The following KNDC1 variants were observed in gnomAD, a reference collection of about 807,000 sequenced individuals.
KNDC1 encodes kinase non-catalytic C-lobe domain-containing protein 1.
A neutral mutation model predicts 172.8 loss-of-function variants in KNDC1; 106 were observed. The ratio of observed to expected loss-of-function variants is 0.61; its 90% CI spans 0.52 to 0.72. KNDC1 has a LOEUF of 0.72. Ranked by LOEUF, KNDC1 falls within the 30% of genes least tolerant of loss-of-function variation. The pLI is 0.00. For missense variants in KNDC1, 2,325 were observed against 2,394.5 expected, an observed-to-expected ratio of 0.97 and a Z score of 0.61; for synonymous variants, 1,083 against 1,062.2, an observed-to-expected ratio of 1.02 and a Z score of -0.38.
intron 3 of KNDC1, among the ~76,000 whole-genome samples, chr10:133,182,795 C>G (rs1853754881): frequency 6.6e-6 from 1 of 152,258 alleles, no homozygotes; most frequent in Admixed American, 6.5e-5. Context: ...CCATGGCCAG[C>G]ACAGATCTAG....
At chr10:133,223,999 G>C (rs561648863) in intron 29 of KNDC1, among the ~76,000 whole-genome samples, 1 of 145,552 alleles carries the variant, frequency 6.9e-6, no homozygotes, top group South Asian at 2.2e-4. Context: ...GTGTGTGAGA[G>C]AGCCCATCCA....
intron 17 of KNDC1, chr10:133,202,242 C>A (rs886203838): frequency 2.4e-5 from 14 of 595,588 alleles, no homozygotes; most frequent in Non-Finnish European, 4.4e-5. Context: ...GTGGGGCAGG[C>A]ACAGCCTCCG....
At chr10:133,201,408 G>A (rs1433565680) in intron 16 of KNDC1, 93 bp from the exon 17 acceptor site, 5 of 1,347,528 alleles carry the variant, frequency 3.7e-6, no homozygotes, top group Non-Finnish European at 4.1e-6. Flanking sequence ...AGGGCGTCGG[G>A]TGTGCAAGCA....
chr10:133,186,348 T>C lies in KNDC1; in HGVS notation c.1000T>C (p.Ser334Pro). The change falls in exon 6 of 30, where the codon TCG becomes CCG. Residue 334 changes from serine (S) to proline (P), a missense_variant. Transcript: ENST00000304613. The stretch of plus-strand genomic sequence containing the variant: ...CCGCGGGAAAAGCCAGCTGCCCATA[T>C]CGGAATTATTCTCTCCGGACCCCAG... Reference protein sequence around the residue: ...LTRGKSQLPISELFSPDPRKA... With the variant: ...LTRGKSQLPIPELFSPDPRKA... 1 of 1,612,640 alleles carries C rather than the reference T, an allele frequency of 6.2e-7. No individual in the cohort carries two copies. Among genetic ancestry groups the C allele is most frequent in the Non-Finnish European group, 8.5e-7 (1 of 1,179,932 alleles).
intron 9 of KNDC1, among the ~76,000 whole-genome samples, chr10:133,190,403 C>A (rs1345090681): frequency 6.6e-6 from 1 of 151,992 alleles, no homozygotes; most frequent in African/African-American, 2.4e-5. Context: ...AGTAAGCACC[C>A]TGCACTAAGC....
Position 133,189,732 on chromosome 10 carries a change from C to G in KNDC1, c.1514-20C>G, listed in dbSNP as rs1854026623. On this transcript the variant is annotated intron_variant, in intron 8 of 29. Coordinates refer to ENST00000304613, the MANE Select transcript of KNDC1 (RefSeq NM_152643.8). ...CGGCTCGCCAGGGGTGAGGAAAGCT[C>G]AGTCGGGTTTCTCTCTTAGGTTCCT... 1 of 1,613,914 alleles carries G rather than the reference C, an allele frequency of 6.2e-7. No individual in the cohort carries two copies. Among genetic ancestry groups the G allele is most frequent in the African/African-American group, 1.3e-5 (1 of 74,918 alleles).
intron 3 of KNDC1, among the ~76,000 whole-genome samples, chr10:133,177,697 G>A (rs1346034758): frequency 2.0e-5 from 3 of 151,510 alleles, no homozygotes; most frequent in South Asian, 4.1e-4. Flanking sequence ...TGTGTGTAAT[G>A]TGTGTGTCCA....
chr10:133,199,560 A>C lies in KNDC1; in HGVS notation c.2861A>C (p.Asn954Thr). The change falls in exon 15 of 30, where the codon AAC (asparagine) becomes ACC (threonine). Residue 954 changes from asparagine to threonine, a missense_variant. Transcript: ENST00000304613. ...DLYWDEKLLQ[N>T]LFKVVNGQAS... ...TACTGGGATGAGAAGTTGCTGCAGA[A>C]CCTCTTTAAGGTGGTCAACGGGCAG... 1.9e-6 allele frequency: 3 copies of C among 1,613,602 alleles called. No homozygotes were observed. The highest frequency in any genetic ancestry group is 2.5e-6 in the Non-Finnish European group (3 of 1,179,948).
intron 6 of KNDC1, among the ~76,000 whole-genome samples, chr10:133,187,386 T>A (rs1048306038): frequency 6.6e-6 from 1 of 152,242 alleles, no homozygotes; most frequent in African/African-American, 2.4e-5. Flanking sequence ...CATTTTGCCC[T>A]CCTTGGCTCC....
chr10:133,187,237 C>T lies in KNDC1; in HGVS notation c.1326+563C>T, dbSNP rs1320328959. 3.9e-5 allele frequency among the ~76,000 whole-genome samples: 6 copies of T among 152,366 alleles called. No individual in the cohort carries two copies. In the East Asian group the frequency reaches 1.2e-3, roughly 29 times the overall value. On this transcript the variant is annotated intron_variant, in intron 6 of 29. Coordinates refer to ENST00000304613, the MANE Select transcript of KNDC1 (RefSeq NM_152643.8). ...ACGTGGCCTCCACACAGGATGGGGC[C>T]TCCCCAGCCCAGTGCTGCCCCTGGT...
intron 5 of KNDC1, 131 bp downstream of exon 5, chr10:133,184,120 A>C: frequency 2.0e-6 from 1 of 504,828 alleles, no homozygotes; most frequent in South Asian, 3.2e-5. Context: ...CTGCACACAC[A>C]CCCATGCACA....
In KNDC1 at chr10:133,198,353, C is replaced by T. The variant is rs1854253467; in HGVS notation, c.1923C>T (p.Asn641=). ...GCTCCCCAGGCTTCCTGCCGGTGAA[C>T]AGCGACACCGGGCTTGTGGCTGTGC... The part of the protein sequence containing the change: ...PEPSPGFLPV[N]SDTGLVAVPG... Residue 641 remains asparagine (N), a synonymous_variant, in exon 13 of 30, where the codon AAC becomes AAT. Transcript: ENST00000304613. 1 of 1,586,862 alleles carries T rather than the reference C, an allele frequency of 6.3e-7. No homozygotes were observed. The highest frequency in any genetic ancestry group is 8.6e-7 in the Non-Finnish European group (1 of 1,167,666).
In KNDC1 at chr10:133,212,109, ACT is replaced by A. The variant is rs535524332; in HGVS notation, c.4236+253_4236+254del. ...AATCCACACGTGCACATGCGTGCAC[ACT>A]CAATCCACACGTGCACACGCACGTG... is the stretch of plus-strand genomic sequence containing the variant. On this transcript the variant is annotated intron_variant, in intron 23 of 29. Coordinates refer to ENST00000304613, the MANE Select transcript of KNDC1 (RefSeq NM_152643.8). Among the ~76,000 whole-genome samples the A allele has an allele frequency of 4.1e-3, 617 of 150,652 alleles. 5 individuals carry two copies. The highest frequency in any genetic ancestry group is 0.014 in the African/African-American group (583 of 40,816).
At chr10:133,169,027 C>CTACCCCGGG (rs1853283783) in intron 3 of KNDC1, among the ~76,000 whole-genome samples, 1 of 152,214 alleles carries the variant, frequency 6.6e-6, no homozygotes, top group Non-Finnish European at 1.5e-5. Flanking sequence ...AGGGAGTGGC[C>CTACCCCGGG]CATTGGTGGT....
At chr10:133,177,675 A>C (rs1261468190) in intron 3 of KNDC1, among the ~76,000 whole-genome samples, 1 of 151,926 alleles carries the variant, frequency 6.6e-6, no homozygotes, top group Admixed American at 6.5e-5. Flanking sequence ...TGGTGTGTAT[A>C]TCATGGGCAC....
intron 16 of KNDC1, 96 bp from the exon 17 acceptor site, chr10:133,201,405 C>T (rs975952408): frequency 2.1e-5 from 28 of 1,330,918 alleles, no homozygotes; most frequent in East Asian, 4.7e-5. Context: ...AGAAGGGCGT[C>T]GGGTGTGCAA....
At chr10:133,212,525 G>A (rs945343072) in intron 23 of KNDC1, among the ~76,000 whole-genome samples, 191 bp from the exon 24 acceptor site, 5 of 152,226 alleles carry the variant, frequency 3.3e-5, no homozygotes, top group African/African-American at 9.6e-5. Flanking sequence ...CTGCTGAAAC[G>A]ACCAGGACAG....
At chr10:133,210,523 C>T in intron 20 of KNDC1, 88 bp from the exon 21 acceptor site, 2 of 792,806 alleles carry the variant, frequency 2.5e-6, no homozygotes, top group Admixed American at 1.7e-5. Flanking sequence ...CGCACACACA[C>T]ATACAGTCAC....
At chr10:133,169,542 C>T (rs1416854318) in intron 3 of KNDC1, among the ~76,000 whole-genome samples, 2 of 152,270 alleles carry the variant, frequency 1.3e-5, no homozygotes, top group African/African-American at 2.4e-5. Flanking sequence ...TGGAGCCCTT[C>T]ACCCTGGGAG....
Sources: gnomAD v4.1 joint callset for allele counts (sites outside exome capture counted in the v4.1 genomes callset) on GRCh38, gnomAD v4.1.1 for gene constraint, MANE v1.5 for transcripts, NCBI Gene and HGNC (gene_info 2026-07-23, HGNC 2026-07-21) for gene names.